TARS2: variants seen among roughly 807,000 people sequenced by gnomAD.
TARS2 encodes threonine--tRNA ligase, mitochondrial.
TARS2 carries 61 observed loss-of-function variants against 94.4 expected under a neutral mutation model. The observed-to-expected ratio is 0.65, with a 90% confidence interval of 0.53 to 0.80. The LOEUF (loss-of-function observed/expected upper bound fraction) is 0.80. TARS2 is among the 30% of genes least tolerant of loss of function. The probability of loss-of-function intolerance (pLI) is 0.00; values close to 1 mark genes in which losing one functional copy is unlikely to be tolerated. For missense variants in TARS2, 704 were observed against 902.5 expected, an observed-to-expected ratio of 0.78 and a Z score of 2.82; for synonymous variants, 359 against 353.4, an observed-to-expected ratio of 1.02 and a Z score of -0.18.
rs71086517 is a variant in TARS2 at position 150,507,566 on chromosome 1, C to CTAAA, written c.*525_*528dup. 254 of 153,512 alleles carry CTAAA rather than the reference C, an allele frequency of 1.7e-3. 2 individuals carry two copies. In the South Asian group the frequency reaches 0.023, roughly 14 times the overall value. The allele number at this position is 153,512 out of a possible 1,614,324, so 9.5% of individuals were successfully genotyped here. On this transcript the variant is annotated 3_prime_UTR_variant, in exon 18 of 18. Transcript: ENST00000369064. ...TAGGCGACAGAGCGAGACTCTGTCT[C>CTAAA]TAAATAAATAAATAAATAAATAAAT...
chr1:150,504,223 A>C (rs879113386), intron 13 of TARS2, 112 bp from the exon 14 acceptor site: 3 of 922,720 alleles, frequency 3.3e-6, no homozygotes, highest in Admixed American at 2.1e-5. Flanking sequence ...TGATGAAGGT[A>C]GTAGCCCGGG....
chr1:150,496,770 T>C (rs1458380114), intron 8 of TARS2, 40 bp from the exon 9 acceptor site: 1 of 1,609,538 alleles, frequency 6.2e-7, no homozygotes, highest in South Asian at 1.1e-5. Context: ...GCCACCTCCT[T>C]GCCCTTGAGG....
At position 150,492,471 on chromosome 1, in the gene TARS2, A is replaced by G. The variant is rs368899093; in HGVS notation, c.756A>G (p.Gly252=). 1.4e-5 allele frequency: 22 copies of G among 1,613,646 alleles called. No individual in the cohort carries two copies. In the African/African-American group the frequency reaches 2.0e-4, roughly 15 times the overall value. Residue 252 remains glycine, a synonymous_variant, in exon 7 of 18, where the codon GGA becomes GGG. Coordinates refer to ENST00000369064, the MANE Select transcript of TARS2 (RefSeq NM_025150.5). ...GPHLRHTGQI[G]GLKLLSNSSS... is the part of the protein sequence containing the mutation. The stretch of plus-strand genomic sequence containing the variant: ...ACCTTCGGCATACTGGACAGATTGG[A>G]GGACTGAAGCTGCTATCGGTCAGTT...
chr1:150,496,010 G>A (rs1055414435), intron 7 of TARS2, among the ~76,000 whole-genome samples: 8 of 152,196 alleles, frequency 5.3e-5, no homozygotes, highest in East Asian at 1.9e-4. Context: ...GTGAGCCACC[G>A]CGCCCGGCTC....
intron 17 of TARS2, among the ~76,000 whole-genome samples, chr1:150,506,538 ATTGT>A (rs1465670303): frequency 2.5e-4 from 33 of 131,416 alleles, no homozygotes; most frequent in African/African-American, 9.1e-4. Flanking sequence ...TGGGGTTCTC[ATTGT>A]TTGTCTTTCT....
At chr1:150,503,644 T>TGTGTGTGTATACATGTGTGTATAC (rs1570867230) in intron 13 of TARS2, among the ~76,000 whole-genome samples, 3 of 117,406 alleles carry the variant, frequency 2.6e-5, no homozygotes, top group Non-Finnish European at 5.4e-5. Flanking sequence ...TGTGTGTATA[T>TGTGTGTGTATACATGTGTGTATAC]ATGTGTGTAT....
Position 150,488,031 on chromosome 1 carries a change from C to T in TARS2, c.240C>T (p.Pro80=). 2 of 1,613,984 alleles carry T rather than the reference C, an allele frequency of 1.2e-6. No individual in the cohort carries two copies. Among genetic ancestry groups the T allele is most frequent in the Non-Finnish European group, 1.7e-6 (2 of 1,179,960 alleles). The change falls in exon 2 of 18, where the codon CCC becomes CCT. Residue 80 remains proline (P), a synonymous_variant. Coordinates refer to ENST00000369064, the MANE Select transcript of TARS2 (RefSeq NM_025150.5). The stretch of plus-strand genomic sequence containing the variant: ...ATGCTGTGGCATGGAACACAACCCC[C>T]TACCAACTAGCCCGGCAGATCAGGT... The part of the protein sequence containing the change: ...KIDAVAWNTT[P]YQLARQISST...
intron 7 of TARS2, among the ~76,000 whole-genome samples, chr1:150,495,007 C>CG (rs1357432621): frequency 6.6e-6 from 1 of 151,438 alleles, no homozygotes. Context: ...CGGTGAAACC[C>CG]TGTCTACTAA....
intron 1 of TARS2, 80 bp from the exon 2 acceptor site, chr1:150,487,778 C>T (rs1248380026): frequency 2.1e-5 from 33 of 1,537,576 alleles, no homozygotes; most frequent in Non-Finnish European, 2.7e-5. Context: ...TCCACTTAAC[C>T]ATCCCAAAGT....
chr1:150,497,918 C>G (rs1570853009), intron 10 of TARS2, among the ~76,000 whole-genome samples, 171 bp downstream of exon 10: 3 of 151,946 alleles, frequency 2.0e-5, no homozygotes, highest in Non-Finnish European at 2.9e-5. Context: ...ATGGAGAAAC[C>G]CTGTCTCTAC....
intron 16 of TARS2, 91 bp downstream of exon 16, chr1:150,505,069 AG>A: frequency 7.5e-7 from 1 of 1,324,696 alleles, no homozygotes; most frequent in Admixed American, 2.0e-5. Flanking sequence ...CAGGGGTGGT[AG>A]AGGAAGGAGC....
chr1:150,499,726 C>G (rs1331378412), intron 13 of TARS2, among the ~76,000 whole-genome samples: 1 of 152,284 alleles, frequency 6.6e-6, no homozygotes, highest in East Asian at 1.9e-4. Flanking sequence ...TTTCTGCCCT[C>G]TTGGCATCTG....
intron 13 of TARS2, among the ~76,000 whole-genome samples, chr1:150,503,617 A>ACGTG (rs35126201): frequency 8.1e-6 from 1 of 123,886 alleles, no homozygotes; most frequent in African/African-American, 3.3e-5. Flanking sequence ...GTGTATATAT[A>ACGTG]TGTGTGTGTA....
rs1485348852 is a variant in TARS2 at position 150,487,500 on chromosome 1, C to T, written c.50C>T (p.Ala17Val). The change falls in exon 1 of 18, where the codon GCT (alanine) becomes GTT (valine). Residue 17 changes from alanine (A) to valine (V), a missense_variant. This residue lies in a region of TARS2 where 208 missense variants were observed against 228.5 expected (regional missense o/e 0.91). Transcript: ENST00000369064. ...TGTCTCCGGCTCCAAGGTTTACAGG[C>T]TTGCAGGCTACACACGGTGCGTGAG... Reference protein sequence around the residue: ...WRCLRLQGLQACRLHTAVVST... With the variant: ...WRCLRLQGLQVCRLHTAVVST... The T allele has an allele frequency of 1.2e-6, 2 of 1,614,262 alleles. No individual in the cohort carries two copies. Among genetic ancestry groups the T allele is most frequent in the Non-Finnish European group, 1.7e-6 (2 of 1,180,052 alleles).
intron 13 of TARS2, among the ~76,000 whole-genome samples, chr1:150,499,557 G>C (rs1669821123): frequency 6.6e-6 from 1 of 151,988 alleles, no homozygotes; most frequent in Non-Finnish European, 1.5e-5. Flanking sequence ...ATAGAGATGG[G>C]GTTTCGCCAT....
chr1:150,490,573 C>T lies in TARS2; in HGVS notation c.388-28C>T, dbSNP rs768190701. The stretch of plus-strand genomic sequence containing the variant: ...AGGGGTTAAGGGAGAAGTTTATGAA[C>T]TTGTGAACCCCTTTTTTGTGAACCC... On this transcript the variant is annotated intron_variant, in intron 3 of 17. Transcript: ENST00000369064. The T allele has an allele frequency of 2.5e-6, 4 of 1,606,956 alleles. No homozygotes were observed. In the Admixed American group the frequency reaches 5.2e-5, roughly 21 times the overall value.
In TARS2 at chr1:150,492,474, A is replaced by G; in HGVS notation, c.759A>G (p.Gly253=). The change falls in exon 7 of 18, where the codon GGA becomes GGG. Residue 253 remains glycine, a synonymous_variant. Transcript: ENST00000369064. ...TTCGGCATACTGGACAGATTGGAGG[A>G]CTGAAGCTGCTATCGGTCAGTTGTG... is the stretch of plus-strand genomic sequence containing the variant. ...PHLRHTGQIG[G]LKLLSNSSSL... 6.2e-7 allele frequency: 1 copy of G among 1,613,750 alleles called. No individual in the cohort carries two copies. Among genetic ancestry groups the G allele is most frequent in the Non-Finnish European group, 8.5e-7 (1 of 1,179,894 alleles).
In TARS2 at chr1:150,496,541, G is replaced by T. The variant is rs934016191; in HGVS notation, c.834G>T (p.Gly278=). 2 of 1,614,016 alleles carry T rather than the reference G, an allele frequency of 1.2e-6. No homozygotes were observed. The highest frequency in any genetic ancestry group is 1.7e-6 in the Non-Finnish European group (2 of 1,180,034). ...GAPETLQRVS[G]ISFPTTELLR... is the part of the protein sequence containing the mutation. ...CAGAGACACTGCAGAGAGTGTCAGG[G>T]ATTTCCTTCCCCACAACAGAATTGC... Residue 278 remains glycine, a synonymous_variant, in exon 8 of 18, where the codon GGG becomes GGT. Coordinates refer to ENST00000369064, the MANE Select transcript of TARS2 (RefSeq NM_025150.5).
intron 7 of TARS2, among the ~76,000 whole-genome samples, chr1:150,495,686 G>A (rs765355524): frequency 4.0e-5 from 6 of 149,212 alleles, no homozygotes; most frequent in South Asian, 4.2e-4. Context: ...GAGCCACTGC[G>A]CCCGGCCTCT....
Sources: allele counts gnomAD v4.1 joint callset (sites outside exome capture counted in the v4.1 genomes callset), GRCh38; gene constraint gnomAD v4.1.1; regional missense constraint gnomAD v4.1.1; transcripts MANE v1.5; gene names NCBI Gene and HGNC (gene_info 2026-07-23, HGNC 2026-07-21).